The following RBFOX2 variants were observed in gnomAD, a reference collection of about 807,000 sequenced individuals.
The protein encoded by RBFOX2 is RNA binding fox-1 homolog 2.
Under a neutral mutation model 49.1 loss-of-function variants are expected in RBFOX2, and 10 were observed. That is an observed-to-expected ratio of 0.20 (90% CI 0.13 to 0.35). The LOEUF (loss-of-function observed/expected upper bound fraction) is 0.35, where lower values mean the gene tolerates loss of function less well. Among genes scored for constraint, RBFOX2 ranks in the 10% least tolerant of loss-of-function variants. The pLI, the probability that RBFOX2 is intolerant of heterozygous loss-of-function variation, is 1.00. For missense variants in RBFOX2, 323 were observed against 486.9 expected, an observed-to-expected ratio of 0.66 and a Z score of 3.17; for synonymous variants, 183 against 187.4, an observed-to-expected ratio of 0.98 and a Z score of 0.19.
chr22:36,016,985 T>A (rs1442585283), intron 1 of RBFOX2, among the ~76,000 whole-genome samples: 1 of 151,846 alleles, frequency 6.6e-6, no homozygotes, highest in African/African-American at 2.4e-5. Flanking sequence ...GCTAAAGAGG[T>A]CCCTACTAAA....
At chr22:35,922,436 G>A (rs1030225605) in intron 1 of RBFOX2, among the ~76,000 whole-genome samples, 5 of 152,126 alleles carry the variant, frequency 3.3e-5, no homozygotes, top group South Asian at 2.1e-4. Flanking sequence ...AAAATTAGCC[G>A]GGCATGGTGG....
chr22:35,788,755 A>G (rs147827985), intron 2 of RBFOX2, among the ~76,000 whole-genome samples: 50 of 152,310 alleles, frequency 3.3e-4, no homozygotes, highest in African/African-American at 1.2e-3. Flanking sequence ...AACAGTGTCC[A>G]TAGTTATATG....
Position 36,003,107 on chromosome 22 carries a change from A to G in RBFOX2, c.186+25133T>C, listed in dbSNP as rs2058493733. ...ACTTTGTCTTCTGACCAGCTTATCA[A>G]CTGGGCCTGCTGGTAACCCCTTCTC... On this transcript the variant is annotated intron_variant, in intron 1 of 13. Transcript: ENST00000438146. Among the ~76,000 whole-genome samples, 3 of 152,200 alleles carry G rather than the reference A, an allele frequency of 2.0e-5. No homozygotes were observed. The East Asian group carries it at 5.8e-4, about 29-fold the overall frequency.
chr22:35,898,688 A>T (rs1033875397), intron 1 of RBFOX2, among the ~76,000 whole-genome samples: 2 of 151,726 alleles, frequency 1.3e-5, no homozygotes, highest in Non-Finnish European at 2.9e-5. Flanking sequence ...TGGGCCTCCC[A>T]AAGTGTGGGA....
chr22:36,010,732 TACACACACACACACACAC>T (rs34495987), intron 1 of RBFOX2, among the ~76,000 whole-genome samples: 35 of 137,070 alleles, frequency 2.6e-4, no homozygotes, highest in African/African-American at 7.4e-4. Flanking sequence ...TACTGTTCAG[TACACACACACACACACAC>T]ACACACACAC....
chr22:35,928,926 C>T (rs2149659757), intron 1 of RBFOX2, among the ~76,000 whole-genome samples: 1 of 152,032 alleles, frequency 6.6e-6, no homozygotes, highest in Middle Eastern at 3.4e-3. Context: ...TTAGATAAAA[C>T]CAAGCCACTT....
chr22:35,984,835 T>C (rs909230158), intron 1 of RBFOX2, among the ~76,000 whole-genome samples: 37 of 152,272 alleles, frequency 2.4e-4, no homozygotes, highest in African/African-American at 8.9e-4. Flanking sequence ...CATAGAAAAT[T>C]CCTATTCATC....
intron 1 of RBFOX2, among the ~76,000 whole-genome samples, chr22:35,891,350 G>A (rs867297228): frequency 6.6e-6 from 1 of 152,030 alleles, no homozygotes; most frequent in Non-Finnish European, 1.5e-5. Flanking sequence ...AGCCAGAATG[G>A]TCTCGATCTC....
At chr22:35,833,988 T>G (rs933356057) in intron 1 of RBFOX2, among the ~76,000 whole-genome samples, 2 of 152,246 alleles carry the variant, frequency 1.3e-5, no homozygotes, top group African/African-American at 4.8e-5. Flanking sequence ...AACAATGAAT[T>G]CCATTACTGC....
chr22:35,927,712 C>G (rs1399963651), intron 1 of RBFOX2, among the ~76,000 whole-genome samples: 5 of 151,496 alleles, frequency 3.3e-5, no homozygotes, highest in African/African-American at 1.2e-4. Context: ...GAATGTCTGG[C>G]TCAGTTTTTA....
intron 1 of RBFOX2, chr22:35,992,774 G>T (rs1471082537): frequency 6.6e-6 from 1 of 152,070 alleles, no homozygotes; most frequent in Non-Finnish European, 1.5e-5. Flanking sequence ...AAACAAAACA[G>T]CTACAAGATG....
At chr22:35,796,165 A>G (rs1948748926) in intron 2 of RBFOX2, among the ~76,000 whole-genome samples, 2 of 152,122 alleles carry the variant, frequency 1.3e-5, no homozygotes, top group African/African-American at 2.4e-5. Context: ...TTCTATTTAC[A>G]TCCCCACCTC....
intron 1 of RBFOX2, among the ~76,000 whole-genome samples, chr22:36,002,475 A>G (rs1291049604): frequency 6.6e-6 from 1 of 152,266 alleles, no homozygotes; most frequent in African/African-American, 2.4e-5. Context: ...AATGTTCTCT[A>G]AGGTGTTTTG....
intron 11 of RBFOX2, among the ~76,000 whole-genome samples, chr22:35,745,136 T>C (rs192649895): frequency 1.6e-4 from 24 of 152,334 alleles, no homozygotes; most frequent in African/African-American, 5.8e-4. Flanking sequence ...GGTCTTACAT[T>C]TTACATTTCA....
At chr22:35,960,851 G>T (rs74973638) in intron 1 of RBFOX2, among the ~76,000 whole-genome samples, 2 of 151,864 alleles carry the variant, frequency 1.3e-5, no homozygotes, top group African/African-American at 2.4e-5. Context: ...CTCTAAAGCC[G>T]ATTCCGAATG....
intron 1 of RBFOX2, among the ~76,000 whole-genome samples, chr22:35,839,624 T>C (rs1339430290): frequency 6.6e-6 from 1 of 152,266 alleles, no homozygotes; most frequent in East Asian, 1.9e-4. Flanking sequence ...CTGTCACACC[T>C]GAATGCTCCT....
At chr22:35,999,471 C>T (rs961020638) in intron 1 of RBFOX2, 13 of 151,478 alleles carry the variant, frequency 8.6e-5, no homozygotes, top group African/African-American at 2.7e-4. Context: ...GTGGGAGGAT[C>T]GCTGGGGCCC....
intron 1 of RBFOX2, among the ~76,000 whole-genome samples, chr22:35,923,190 G>A (rs1327504319): frequency 1.3e-5 from 2 of 152,134 alleles, no homozygotes; most frequent in East Asian, 1.9e-4. Flanking sequence ...GTAAGCCTAA[G>A]GGAAGTTAAG....
At chr22:35,846,210 A>T (rs914217938) in intron 1 of RBFOX2, among the ~76,000 whole-genome samples, 1 of 149,686 alleles carries the variant, frequency 6.7e-6, no homozygotes, top group Non-Finnish European at 1.5e-5. Flanking sequence ...CATAAACTAT[A>T]TAAGTATAAA....
Sources: allele counts gnomAD v4.1 joint callset (sites outside exome capture counted in the v4.1 genomes callset), GRCh38; gene constraint gnomAD v4.1.1; transcripts MANE v1.5; gene names NCBI Gene and HGNC (gene_info 2026-07-23, HGNC 2026-07-21).